RGS7: variants seen among roughly 807,000 people sequenced by gnomAD.
RGS7 encodes regulator of G-protein signaling 7.
RGS7 carries 27 observed loss-of-function variants against 81.1 expected under a neutral mutation model. The observed-to-expected ratio is 0.33, with a 90% CI of 0.25 to 0.46. RGS7 has a LOEUF of 0.46. Ranked by LOEUF, RGS7 falls within the 20% of genes least tolerant of loss-of-function variation. The pLI is 1.00. For missense variants in RGS7, 396 were observed against 607.4 expected (o/e 0.65, Z 3.66); for synonymous variants, 208 against 207.7 (o/e 1.00, Z -0.01).
At chr1:240,831,718 C>T (rs1272951929) in intron 9 of RGS7, among the ~76,000 whole-genome samples, 2 of 151,702 alleles carry the variant, frequency 1.3e-5, no homozygotes, top group Non-Finnish European at 1.5e-5. Context: ...TCACTGCAAC[C>T]GCTGCCTCCT....
At chr1:240,869,023 T>C (rs1664001559) in intron 7 of RGS7, among the ~76,000 whole-genome samples, 171 bp from the exon 8 acceptor site, 1 of 152,124 alleles carries the variant, frequency 6.6e-6, no homozygotes, top group Admixed American at 6.6e-5. Flanking sequence ...CATCTTCATA[T>C]TGGCAGTCTT....
At chr1:241,136,120 T>G (rs117148709) in intron 2 of RGS7, among the ~76,000 whole-genome samples, 1,779 of 152,242 alleles carry the variant, frequency 0.012, 44 homozygotes, top group East Asian at 0.06. Flanking sequence ...GTCCACCACA[T>G]CCCTCCTTCA....
chr1:241,210,090 T>C (rs2074157875), intron 2 of RGS7, among the ~76,000 whole-genome samples: 2 of 152,170 alleles, frequency 1.3e-5, no homozygotes, highest in African/African-American at 4.8e-5. Context: ...GTATTCTGTT[T>C]TGGGCAAAAT....
chr1:241,137,867 C>T (rs2067633548), intron 2 of RGS7, among the ~76,000 whole-genome samples: 1 of 152,234 alleles, frequency 6.6e-6, no homozygotes, highest in Admixed American at 6.5e-5. Context: ...TATGAATAAA[C>T]ACAAAGAAAT....
chr1:241,047,807 T>G (rs2061019211), intron 3 of RGS7, among the ~76,000 whole-genome samples: 1 of 145,976 alleles, frequency 6.9e-6, no homozygotes, highest in African/African-American at 2.5e-5. Flanking sequence ...TGGCGTGATC[T>G]CAGCTCACTG....
At chr1:240,881,099 T>A (rs1013064993) in intron 6 of RGS7, among the ~76,000 whole-genome samples, 2 of 152,192 alleles carry the variant, frequency 1.3e-5, no homozygotes, top group Admixed American at 1.3e-4. Flanking sequence ...CAATTATTCT[T>A]ATTTTCATGC....
intron 6 of RGS7, among the ~76,000 whole-genome samples, chr1:240,888,498 C>G (rs1572611883): frequency 6.6e-6 from 1 of 152,014 alleles, no homozygotes; most frequent in Admixed American, 6.6e-5. Flanking sequence ...GCCTGGAGAC[C>G]CGGCGATGAA....
intron 6 of RGS7, among the ~76,000 whole-genome samples, chr1:240,919,131 T>C (rs1052333970): frequency 6.6e-6 from 1 of 152,048 alleles, no homozygotes; most frequent in Non-Finnish European, 1.5e-5. Flanking sequence ...CCCAGATAAC[T>C]TCACTGGGGA....
At chr1:240,788,765 C>G (rs1262332227) in intron 18 of RGS7, among the ~76,000 whole-genome samples, 1 of 152,204 alleles carries the variant, frequency 6.6e-6, no homozygotes. Context: ...CTAATGTAAT[C>G]AGAGATGAGG....
At chr1:240,968,434 G>A (rs1053469617) in intron 4 of RGS7, among the ~76,000 whole-genome samples, 4 of 152,038 alleles carry the variant, frequency 2.6e-5, no homozygotes, top group South Asian at 2.1e-4. Context: ...AACATGGTGC[G>A]TATAATGTAC....
chr1:241,272,204 A>AG (rs2077950491), intron 2 of RGS7, among the ~76,000 whole-genome samples: 1 of 152,036 alleles, frequency 6.6e-6, no homozygotes, highest in African/African-American at 2.4e-5. Flanking sequence ...CGTGTTAGCC[A>AG]GGGTGGTCTT....
chr1:241,105,076 C>T (rs1402685159), intron 2 of RGS7, among the ~76,000 whole-genome samples: 1 of 152,162 alleles, frequency 6.6e-6, no homozygotes, highest in Admixed American at 6.5e-5. Flanking sequence ...CAGAGTAGCT[C>T]AGCGTAGGGC....
intron 11 of RGS7, 151 bp downstream of exon 11, chr1:240,816,166 C>T (rs1306196648): frequency 3.2e-5 from 21 of 659,140 alleles, no homozygotes; most frequent in Non-Finnish European, 1.4e-5. Context: ...AAAATTACAA[C>T]ATTTTATTAT....
chr1:241,230,887 G>T (rs528750709), intron 2 of RGS7, among the ~76,000 whole-genome samples: 1 of 152,190 alleles, frequency 6.6e-6, no homozygotes, highest in African/African-American at 2.4e-5. Flanking sequence ...GAGCAAATTT[G>T]TCTACTGAGA....
intron 9 of RGS7, among the ~76,000 whole-genome samples, chr1:240,860,753 G>A (rs1662054376): frequency 6.6e-6 from 1 of 152,072 alleles, no homozygotes; most frequent in Non-Finnish European, 1.5e-5. Flanking sequence ...CTAACAAACT[G>A]ACCTTGTATC....
intron 9 of RGS7, among the ~76,000 whole-genome samples, chr1:240,850,229 C>G (rs1459607215): frequency 1.3e-5 from 2 of 152,086 alleles, no homozygotes; most frequent in Non-Finnish European, 2.9e-5. Flanking sequence ...TTGTGACAAC[C>G]CTGTGTCCAG....
At chr1:241,219,026 G>A (rs2074738162) in intron 2 of RGS7, among the ~76,000 whole-genome samples, 1 of 152,150 alleles carries the variant, frequency 6.6e-6, no homozygotes. Flanking sequence ...TTCTGGGGGA[G>A]TTTTGCAGTA....
chr1:241,125,945 C>A (rs940123172), intron 2 of RGS7, among the ~76,000 whole-genome samples: 5 of 152,026 alleles, frequency 3.3e-5, no homozygotes, highest in African/African-American at 1.2e-4. Context: ...GCAGATGGAG[C>A]CCAGAGAGAT....
At chr1:241,289,730 A>G (rs887229815) in intron 2 of RGS7, among the ~76,000 whole-genome samples, 2 of 152,058 alleles carry the variant, frequency 1.3e-5, no homozygotes, top group Admixed American at 1.3e-4. Flanking sequence ...CCTCACCTCA[A>G]TCTCTTGGGC....
Sources: allele counts gnomAD v4.1 joint callset (sites outside exome capture counted in the v4.1 genomes callset), GRCh38; gene constraint gnomAD v4.1.1; transcripts MANE v1.5; gene names NCBI Gene and HGNC (gene_info 2026-07-23, HGNC 2026-07-21).